Variants in THRB observed in about 807,000 individuals in gnomAD.
THRB encodes thyroid hormone receptor beta.
A neutral mutation model predicts 47.8 loss-of-function variants in THRB; 12 were observed. The ratio of observed to expected loss-of-function variants is 0.25; its 90% confidence interval spans 0.16 to 0.41. The LOEUF is 0.41. THRB is among the 10% of genes least tolerant of loss of function. The probability of loss-of-function intolerance (pLI) is 1.00; values close to 1 mark genes in which losing one functional copy is unlikely to be tolerated. For missense variants in THRB, 348 were observed against 589.2 expected (o/e 0.59, Z 4.24); for synonymous variants, 218 against 212.2 (o/e 1.03, Z -0.24).
chr3:24,246,466 T>C (rs1218300240), intron 3 of THRB, among the ~76,000 whole-genome samples: 1 of 152,238 alleles, frequency 6.6e-6, no homozygotes, highest in African/African-American at 2.4e-5. Flanking sequence ...GTGAAATGAT[T>C]TCTTATATAA....
intron 1 of THRB, among the ~76,000 whole-genome samples, chr3:24,473,249 T>A (rs571443308): frequency 1.3e-5 from 2 of 152,348 alleles, no homozygotes; most frequent in African/African-American, 4.8e-5. Flanking sequence ...TATCAATTTT[T>A]AAAATACGAT....
intron 7 of THRB, 53 bp from the exon 8 acceptor site, chr3:24,143,759 A>T (rs1197256448): frequency 6.3e-7 from 1 of 1,587,326 alleles, no homozygotes; most frequent in African/African-American, 1.3e-5. Context: ...CAAGATACAC[A>T]GCAAGCTGCA....
chr3:24,268,891 TTAAAAA>T (rs58672260), intron 3 of THRB, among the ~76,000 whole-genome samples: 73,642 of 151,364 alleles, frequency 0.49, 18,453 homozygotes, highest in Middle Eastern at 0.58. Context: ...AAGTGACATC[TTAAAAA>T]TAAAAAGAAA....
chr3:24,382,791 C>G (rs1396569642), intron 1 of THRB, among the ~76,000 whole-genome samples: 1 of 152,132 alleles, frequency 6.6e-6, no homozygotes, highest in Non-Finnish European at 1.5e-5. Flanking sequence ...GTCCAAGCTA[C>G]TTTCACGCTA....
intron 1 of THRB, among the ~76,000 whole-genome samples, chr3:24,436,378 C>G (rs1349237680): frequency 6.6e-6 from 1 of 152,122 alleles, no homozygotes; most frequent in South Asian, 2.1e-4. Flanking sequence ...TACAAACGCA[C>G]AGCAGTAAAC....
chr3:24,141,823 C>A (rs978844218), intron 8 of THRB, among the ~76,000 whole-genome samples: 1 of 152,132 alleles, frequency 6.6e-6, no homozygotes, highest in Non-Finnish European at 1.5e-5. Flanking sequence ...CAGTGCCAGG[C>A]CTGGAAGTGG....
At chr3:24,351,296 A>T (rs564678439) in intron 1 of THRB, among the ~76,000 whole-genome samples, 123 of 152,156 alleles carry the variant, frequency 8.1e-4, no homozygotes, top group African/African-American at 2.9e-3. Flanking sequence ...CATAAATCTG[A>T]AAGTTACGTA....
At chr3:24,415,474 T>A (rs1030480969) in intron 1 of THRB, among the ~76,000 whole-genome samples, 3 of 151,880 alleles carry the variant, frequency 2.0e-5, no homozygotes, top group African/African-American at 7.2e-5. Context: ...AATTTAGTGC[T>A]CTCTAATCAA....
intron 3 of THRB, among the ~76,000 whole-genome samples, chr3:24,262,452 C>T (rs1346948303): frequency 1.3e-5 from 2 of 152,202 alleles, no homozygotes. Flanking sequence ...GTTTTCCTAT[C>T]ACACTTGGGG....
At chr3:24,347,579 ATTTTTC>A (rs936758308) in intron 1 of THRB, among the ~76,000 whole-genome samples, 7 of 150,972 alleles carry the variant, frequency 4.6e-5, no homozygotes, top group African/African-American at 9.7e-5. Context: ...AGAATAAAGA[ATTTTTC>A]TTTTTCTTTT....
chr3:24,285,021 TG>T (rs2055105560), intron 3 of THRB, among the ~76,000 whole-genome samples: 2 of 152,116 alleles, frequency 1.3e-5, no homozygotes, highest in Non-Finnish European at 2.9e-5. Context: ...GAAGTCAGTG[TG>T]GTGATTCCTC....
intron 2 of THRB, among the ~76,000 whole-genome samples, chr3:24,329,951 G>A (rs1431897053): frequency 6.6e-6 from 1 of 152,212 alleles, no homozygotes; most frequent in Non-Finnish European, 1.5e-5. Context: ...CCATCTAGAT[G>A]ATTCTAATGC....
At chr3:24,462,646 T>C (rs2073805977) in intron 1 of THRB, among the ~76,000 whole-genome samples, 1 of 152,190 alleles carries the variant, frequency 6.6e-6, no homozygotes, top group Non-Finnish European at 1.5e-5. Flanking sequence ...GTGTATAAAA[T>C]GAATGCATAA....
intron 4 of THRB, among the ~76,000 whole-genome samples, chr3:24,195,349 C>T (rs566247047): frequency 4.7e-4 from 71 of 152,214 alleles, no homozygotes; most frequent in African/African-American, 1.5e-3. Context: ...TGCTATTAAC[C>T]GATATGTTCT....
At chr3:24,211,738 G>A (rs1377857961) in intron 4 of THRB, among the ~76,000 whole-genome samples, 1 of 152,122 alleles carries the variant, frequency 6.6e-6, no homozygotes, top group African/African-American at 2.4e-5. Context: ...AAGCCACACT[G>A]GAGTGACTTC....
chr3:24,295,063 C>A (rs1280215520), intron 3 of THRB, among the ~76,000 whole-genome samples: 1 of 152,234 alleles, frequency 6.6e-6, no homozygotes, highest in Non-Finnish European at 1.5e-5. Flanking sequence ...AAATTCCTCA[C>A]ACAATTATAT....
chr3:24,239,614 G>T (rs529563592), intron 3 of THRB, among the ~76,000 whole-genome samples: 10 of 152,184 alleles, frequency 6.6e-5, no homozygotes, highest in African/African-American at 2.4e-4. Flanking sequence ...AGGAGCCTTG[G>T]TTAAGGGTTG....
At chr3:24,281,469 G>A (rs576621075) in intron 3 of THRB, among the ~76,000 whole-genome samples, 68 of 152,022 alleles carry the variant, frequency 4.5e-4, no homozygotes, top group African/African-American at 1.2e-3. Flanking sequence ...GGTACCAGCC[G>A]CTGCAAAATC....
intron 5 of THRB, among the ~76,000 whole-genome samples, chr3:24,161,069 G>A (rs1412824458): frequency 6.6e-6 from 1 of 152,204 alleles, no homozygotes; most frequent in South Asian, 2.1e-4. Flanking sequence ...TCTGCACTTG[G>A]ACTTGGTTTG....
Sources: allele counts gnomAD v4.1 joint callset (sites outside exome capture counted in the v4.1 genomes callset), GRCh38; gene constraint gnomAD v4.1.1; transcripts MANE v1.5; gene names NCBI Gene and HGNC (gene_info 2026-07-23, HGNC 2026-07-21).